LRP1B: variants seen among roughly 807,000 people sequenced by gnomAD.
The protein encoded by LRP1B is low-density lipoprotein receptor-related protein 1B.
In LRP1B, 217 loss-of-function variants were observed where a neutral mutation model predicts 556.6. That is an observed-to-expected ratio of 0.39 (90% CI 0.35 to 0.44). The LOEUF (loss-of-function observed/expected upper bound fraction) is 0.44. Among genes scored for constraint, LRP1B ranks in the 20% least tolerant of loss-of-function variants. The probability of loss-of-function intolerance (pLI) is 1.00; values close to 1 mark genes in which losing one functional copy is unlikely to be tolerated. For missense variants in LRP1B, 5,053 were observed against 5,620.8 expected (o/e 0.90, Z 3.23); for synonymous variants, 2,047 against 1,865.8 (o/e 1.10, Z -2.50).
intron 57 of LRP1B, among the ~76,000 whole-genome samples, chr2:140,491,425 T>A (rs183056314): frequency 6.6e-6 from 1 of 152,174 alleles, no homozygotes; most frequent in East Asian, 1.9e-4. Flanking sequence ...ATGTCCTTGT[T>A]CCAGAGACTA....
At chr2:140,960,514 G>A (rs999611007) in intron 18 of LRP1B, among the ~76,000 whole-genome samples, 4 of 151,402 alleles carry the variant, frequency 2.6e-5, no homozygotes, top group Non-Finnish European at 4.4e-5. Flanking sequence ...TTTTAAAAAC[G>A]TTTCCTGACA....
At chr2:140,699,025 A>AT (rs988956706) in intron 41 of LRP1B, among the ~76,000 whole-genome samples, 1 of 151,934 alleles carries the variant, frequency 6.6e-6, no homozygotes, top group African/African-American at 2.4e-5. Flanking sequence ...TTCTACTCTA[A>AT]TTTTTTTACT....
intron 11 of LRP1B, among the ~76,000 whole-genome samples, chr2:141,023,125 C>G (rs1009959484): frequency 2.0e-5 from 3 of 151,868 alleles, no homozygotes; most frequent in Non-Finnish European, 4.4e-5. Flanking sequence ...AGAAAATAAA[C>G]AGCCTTTTCT....
chr2:141,393,316 G>GT (rs1253119037), intron 3 of LRP1B, among the ~76,000 whole-genome samples: 2 of 152,120 alleles, frequency 1.3e-5, no homozygotes. Context: ...GCACCGCAAT[G>GT]TGAGTCCATG....
Position 140,533,713 on chromosome 2 carries a change from C to T in LRP1B, c.7762+308G>A, listed in dbSNP as rs957746471. On this transcript the variant is annotated intron_variant, in intron 47 of 90. Transcript: ENST00000389484. ...CAGAGAACTAAGGAATAAAGGGGAA[C>T]ATTTTTGGAACAGAAAATTCAATAT... Among the ~76,000 whole-genome samples the T allele has an allele frequency of 1.2e-4, 19 of 152,044 alleles. 1 individual carries two copies. Among genetic ancestry groups the T allele is most frequent in the Admixed American group, 2.0e-4 (3 of 15,242 alleles).
Position 140,297,856 on chromosome 2 carries a change from G to T in LRP1B, c.12919C>A (p.Pro4307Thr), listed in dbSNP as rs1558781017. The change falls in exon 84 of 91, where the codon CCT becomes ACT. Residue 4307 changes from proline (P) to threonine (T), a missense_variant. By Grantham distance (38) the Pro-to-Thr change is conservative. Coordinates refer to ENST00000389484, the MANE Select transcript of LRP1B (RefSeq NM_018557.3). Reference sequence around the variant, plus strand: ...TATTCCGGCTGGCAGTGGCAGTAAGGCTGGTTTCCAGCAGTCACAATGCAG... The same window carrying T: ...TATTCCGGCTGGCAGTGGCAGTAAGTCTGGTTTCCAGCAGTCACAATGCAG... ...GTCIVTAGNQ[P>T]YCHCQPEYTG... is the part of the protein sequence containing the mutation. 1 of 1,613,820 alleles carries T rather than the reference G, an allele frequency of 6.2e-7. No individual in the cohort carries two copies. Among genetic ancestry groups the T allele is most frequent in the African/African-American group, 1.3e-5 (1 of 74,898 alleles).
At chr2:141,364,502 G>A (rs1286048943) in intron 3 of LRP1B, among the ~76,000 whole-genome samples, 1 of 151,994 alleles carries the variant, frequency 6.6e-6, no homozygotes, top group Admixed American at 6.6e-5. Context: ...TAATATAAAG[G>A]AACTGGAGTA....
rs148099468 is a variant in LRP1B at position 141,255,762 on chromosome 2, G to A, written c.344-1121C>T. On this transcript the variant is annotated intron_variant, in intron 3 of 90. Coordinates refer to ENST00000389484, the MANE Select transcript of LRP1B (RefSeq NM_018557.3). Reference sequence around the variant, plus strand: ...ATACTCCATTTCTATCCACATCTGCGTATACTGCTTCTCCTTGGATTTCAC... The same window carrying A: ...ATACTCCATTTCTATCCACATCTGCATATACTGCTTCTCCTTGGATTTCAC... Among the ~76,000 whole-genome samples the A allele has an allele frequency of 9.8e-4, 148 of 151,606 alleles. No individual in the cohort carries two copies. The East Asian group carries it at 9.8e-3, about 10-fold the overall frequency.
chr2:141,222,419 G>A (rs2105278856), intron 6 of LRP1B, among the ~76,000 whole-genome samples: 1 of 152,256 alleles, frequency 6.6e-6, no homozygotes, highest in South Asian at 2.1e-4. Flanking sequence ...TGCAGGACCA[G>A]ATGGATTTAC....
intron 3 of LRP1B, among the ~76,000 whole-genome samples, chr2:141,352,595 T>TA (rs1356537690): frequency 6.6e-5 from 10 of 151,854 alleles, no homozygotes; most frequent in Non-Finnish European, 1.2e-4. Flanking sequence ...GGTTAATTGA[T>TA]AAAAAATGAT....
chr2:140,936,361 A>C (rs1695208955), intron 20 of LRP1B, among the ~76,000 whole-genome samples: 1 of 112,184 alleles, frequency 8.9e-6, no homozygotes, highest in Non-Finnish European at 1.8e-5. Context: ...AAAAAAAAAA[A>C]AGAAAGGAAA....
At chr2:141,063,300 A>C (rs1220853197) in intron 7 of LRP1B, among the ~76,000 whole-genome samples, 1 of 151,822 alleles carries the variant, frequency 6.6e-6, no homozygotes, top group Non-Finnish European at 1.5e-5. Flanking sequence ...ATTATCTAAC[A>C]GTATGGGGTA....
chr2:141,491,420 A>G (rs188435228), intron 2 of LRP1B, among the ~76,000 whole-genome samples: 2 of 152,302 alleles, frequency 1.3e-5, no homozygotes, highest in Admixed American at 1.3e-4. Flanking sequence ...AGAAATACAG[A>G]ATAGAAGATA....
At chr2:141,405,080 C>G (rs565335599) in intron 3 of LRP1B, among the ~76,000 whole-genome samples, 1 of 151,286 alleles carries the variant, frequency 6.6e-6, no homozygotes, top group Non-Finnish European at 1.5e-5. Flanking sequence ...GCGACAAGAG[C>G]GAGACTCCGT....
chr2:140,957,974 T>A (rs890207848), intron 18 of LRP1B, among the ~76,000 whole-genome samples: 3 of 151,520 alleles, frequency 2.0e-5, no homozygotes, highest in Non-Finnish European at 4.4e-5. Flanking sequence ...TCACGAGCTC[T>A]ACTTCCTGTA....
At chr2:140,457,399 TA>T in intron 61 of LRP1B, 63 bp downstream of exon 61, 2 of 1,250,088 alleles carry the variant, frequency 1.6e-6, no homozygotes, top group Non-Finnish European at 2.3e-6. Flanking sequence ...CTTGAAATAA[TA>T]AAAAATGGAA....
chr2:142,023,505 G>C (rs1227324381), intron 1 of LRP1B, among the ~76,000 whole-genome samples: 1 of 152,092 alleles, frequency 6.6e-6, no homozygotes, highest in East Asian at 1.9e-4. Context: ...AGCAAAACAC[G>C]GTAAATGTGT....
intron 3 of LRP1B, among the ~76,000 whole-genome samples, chr2:141,326,207 G>T (rs904485001): frequency 6.6e-6 from 1 of 152,052 alleles, no homozygotes; most frequent in African/African-American, 2.4e-5. Flanking sequence ...GTCAAGAATG[G>T]ATAGTATGAT....
chr2:140,450,646 C>A lies in LRP1B; in HGVS notation c.9979G>T (p.Asp3327Tyr), dbSNP rs2105314034. Residue 3327 changes from aspartate (D) to tyrosine (Y), a missense_variant, in exon 63 of 91, where the codon GAC (aspartate) becomes TAC (tyrosine). Asp to Tyr is a radical substitution (Grantham distance 160). This residue lies in a region of LRP1B where 262 missense variants were observed against 395.1 expected (regional missense o/e 0.66). Transcript: ENST00000389484. ...TTCCACCAGAATGGAATACATTTGT[C>A]AGTTTTGCAACGAAACTTAAAAAAG... is the stretch of plus-strand genomic sequence containing the variant. Reference protein sequence around the residue: ...CTASQFRCKTDKCIPFWWKCD... With the variant: ...CTASQFRCKTYKCIPFWWKCD... 6.2e-7 allele frequency: 1 copy of A among 1,608,918 alleles called. No homozygotes were observed. Among genetic ancestry groups the A allele is most frequent in the South Asian group, 1.1e-5 (1 of 90,222 alleles).
Sources: gnomAD v4.1 joint callset for allele counts (sites outside exome capture counted in the v4.1 genomes callset) on GRCh38, gnomAD v4.1.1 for gene constraint, gnomAD v4.1.1 regional missense constraint, MANE v1.5 for transcripts, NCBI Gene and HGNC (gene_info 2026-07-23, HGNC 2026-07-21) for gene names.